HIBADH: variants seen among roughly 807,000 people sequenced by gnomAD.
The protein encoded by HIBADH is 3-hydroxyisobutyrate dehydrogenase, also known as 3-hydroxyisobutyrate dehydrogenase, mitochondrial.
Under a neutral mutation model 36.1 loss-of-function variants are expected in HIBADH, and 25 were observed. That is an observed-to-expected ratio of 0.69 (90% CI 0.50 to 0.97). The LOEUF is 0.97. HIBADH is among the 50% of genes least tolerant of loss of function. The pLI, the probability that HIBADH is intolerant of heterozygous loss-of-function variation, is 0.00. For synonymous variants in HIBADH, 160 were observed against 149.5 expected, an observed-to-expected ratio of 1.07 and a Z score of -0.51; for missense variants, 421 against 418.0, an observed-to-expected ratio of 1.01 and a Z score of -0.06.
chr7:27,597,657 G>C (rs1184778728), intron 4 of HIBADH, among the ~76,000 whole-genome samples: 1 of 152,142 alleles, frequency 6.6e-6, no homozygotes, highest in Non-Finnish European at 1.5e-5. Context: ...TTACTGTTTT[G>C]ATCATAGTTC....
At chr7:27,567,788 T>C (rs1784568895) in intron 4 of HIBADH, among the ~76,000 whole-genome samples, 1 of 152,192 alleles carries the variant, frequency 6.6e-6, no homozygotes, top group South Asian at 2.1e-4. Flanking sequence ...ATTATAGTTG[T>C]CATCTGTATT....
At chr7:27,645,368 A>ATATTTTTTT (rs1554300959) in intron 2 of HIBADH, among the ~76,000 whole-genome samples, 4 of 59,650 alleles carry the variant, frequency 6.7e-5, no homozygotes, top group Admixed American at 2.3e-4. Flanking sequence ...CATGGTTTTG[A>ATATTTTTTT]TTTTTTTTTT....
At chr7:27,527,919 T>TG (rs1783934520) in intron 7 of HIBADH, among the ~76,000 whole-genome samples, 1 of 39,310 alleles carries the variant, frequency 2.5e-5, no homozygotes, top group Non-Finnish European at 6.4e-5. Context: ...ACACCCAGCG[T>TG]TTTTTTTTTT....
intron 4 of HIBADH, among the ~76,000 whole-genome samples, chr7:27,612,061 A>G (rs572523428): frequency 3.3e-5 from 5 of 151,866 alleles, no homozygotes; most frequent in East Asian, 1.9e-4. Flanking sequence ...CTATTCCTCT[A>G]TAAGTTTCAA....
At position 27,531,191 on chromosome 7, in the gene HIBADH, C is replaced by T; in HGVS notation, c.852+1G>A. 3.1e-6 allele frequency: 5 copies of T among 1,611,922 alleles called. No homozygotes were observed. The highest frequency in any genetic ancestry group is 4.2e-6 in the Non-Finnish European group (5 of 1,178,782). ...CTCTTGGGTGTCTACATTTACCATA[C>T]CTTAGCCATGAGTGTTGTTCCAAAT... On this transcript the variant is annotated splice_donor_variant, in intron 7 of 7. Coordinates refer to ENST00000265395, the MANE Select transcript of HIBADH (RefSeq NM_152740.4). LOFTEE classifies it high-confidence loss of function.
intron 1 of HIBADH, among the ~76,000 whole-genome samples, chr7:27,652,859 C>T (rs532176217): frequency 2.0e-5 from 3 of 152,120 alleles, no homozygotes; most frequent in Admixed American, 6.5e-5. Flanking sequence ...CCAGGCGCAG[C>T]GGCTCACGCC....
Position 27,662,867 on chromosome 7 carries a change from C to T in HIBADH, c.-79G>A. On this transcript the variant is annotated 5_prime_UTR_variant, in exon 1 of 8. Transcript: ENST00000265395. ...CAGACTGCGAGCGTGTGCAGCGGGA[C>T]TGGCTGGCTCGCCCACGGAGAAGGG... is the stretch of plus-strand genomic sequence containing the variant. 3 of 1,171,450 alleles carry T rather than the reference C, an allele frequency of 2.6e-6. No homozygotes were observed. Among genetic ancestry groups the T allele is most frequent in the Non-Finnish European group, 2.3e-6 (2 of 888,066 alleles). 72.6% of individuals were successfully genotyped at this position (1,171,450 alleles called of 1,614,324 possible).
At chr7:27,545,300 A>C (rs570850866) in intron 4 of HIBADH, among the ~76,000 whole-genome samples, 1 of 152,106 alleles carries the variant, frequency 6.6e-6, no homozygotes, top group Non-Finnish European at 1.5e-5. Context: ...TTAGCTGGGC[A>C]TGGTGGCATG....
At chr7:27,634,571 C>T (rs1004267515) in intron 2 of HIBADH, among the ~76,000 whole-genome samples, 1 of 152,202 alleles carries the variant, frequency 6.6e-6, no homozygotes, top group South Asian at 2.1e-4. Flanking sequence ...GTTCATCCTA[C>T]TCTAATAAAC....
intron 5 of HIBADH, among the ~76,000 whole-genome samples, chr7:27,538,928 G>A (rs566654530): frequency 2.3e-4 from 35 of 152,138 alleles, no homozygotes; most frequent in African/African-American, 6.5e-4. Flanking sequence ...AAGGAGATCC[G>A]GGGCGAAGGG....
chr7:27,574,764 A>AAAAC (rs1347550644), intron 4 of HIBADH, among the ~76,000 whole-genome samples: 6 of 152,220 alleles, frequency 3.9e-5, no homozygotes, highest in African/African-American at 1.4e-4. Flanking sequence ...TATTTTTACC[A>AAAAC]AAACACAAGC....
At chr7:27,573,452 C>G (rs1007511763) in intron 4 of HIBADH, among the ~76,000 whole-genome samples, 1 of 152,206 alleles carries the variant, frequency 6.6e-6, no homozygotes, top group Non-Finnish European at 1.5e-5. Flanking sequence ...ACTGATTAGA[C>G]ATCGTCTAGA....
chr7:27,630,334 T>A (rs1361221272), intron 3 of HIBADH, among the ~76,000 whole-genome samples: 1 of 152,046 alleles, frequency 6.6e-6, no homozygotes, highest in Non-Finnish European at 1.5e-5. Flanking sequence ...AGAGATGGGA[T>A]CTCACCATGT....
rs142747195 is a variant in HIBADH, at chr7:27,532,409, A to C, written c.696-1061T>G. ...TATGTAAATGTTAAACAAACTGTGCATCTTGGCACGCTCAGATTGTTTACT... is the reference window on the plus strand; with the variant it reads ...TATGTAAATGTTAAACAAACTGTGCCTCTTGGCACGCTCAGATTGTTTACT... On this transcript the variant is annotated intron_variant, in intron 6 of 7. Transcript: ENST00000265395. Among the ~76,000 whole-genome samples, 108 of 152,354 alleles carry C rather than the reference A, an allele frequency of 7.1e-4. 3 individuals are homozygous for C. The East Asian group carries it at 0.016, about 23-fold the overall frequency.
At chr7:27,596,812 C>T (rs546477750) in intron 4 of HIBADH, among the ~76,000 whole-genome samples, 1 of 152,166 alleles carries the variant, frequency 6.6e-6, no homozygotes, top group South Asian at 2.1e-4. Flanking sequence ...CTGAAATGCT[C>T]CAATGAGCAT....
intron 4 of HIBADH, among the ~76,000 whole-genome samples, chr7:27,551,239 A>G (rs1183363791): frequency 3.9e-5 from 6 of 152,150 alleles, no homozygotes; most frequent in Non-Finnish European, 8.8e-5. Context: ...GGACATTATT[A>G]TGAGGAGTTA....
rs146557094 is a variant in HIBADH at position 27,660,074 on chromosome 7, A to G, written c.91+2624T>C. The stretch of plus-strand genomic sequence containing the variant: ...TGTCTCTAAAATGTATTTATAAAAA[A>G]GTTAAAAAGATGTGCTACTAACCGG... On this transcript the variant is annotated intron_variant, in intron 1 of 7. Transcript: ENST00000265395. Among the ~76,000 whole-genome samples, 494 of 152,324 alleles carry G rather than the reference A, an allele frequency of 3.2e-3. 6 individuals carry two copies. Among genetic ancestry groups the G allele is most frequent in the African/African-American group, 0.011 (465 of 41,574 alleles).
chr7:27,656,423 G>A (rs1786306235), intron 1 of HIBADH, among the ~76,000 whole-genome samples: 2 of 151,932 alleles, frequency 1.3e-5, no homozygotes, highest in Admixed American at 6.6e-5. Flanking sequence ...TAGGACACTT[G>A]ATAATTCACA....
At chr7:27,624,098 C>A (rs534249811) in intron 4 of HIBADH, among the ~76,000 whole-genome samples, 1 of 152,074 alleles carries the variant, frequency 6.6e-6, no homozygotes, top group South Asian at 2.1e-4. Context: ...GCATGCCCGG[C>A]CAAATTAATA....
Sources: gnomAD v4.1 joint callset for allele counts (sites outside exome capture counted in the v4.1 genomes callset) on GRCh38, gnomAD v4.1.1 for gene constraint, MANE v1.5 for transcripts, NCBI Gene and HGNC (gene_info 2026-07-23, HGNC 2026-07-21) for gene names.